The following HMGB2 variants were observed in gnomAD, a reference collection of about 807,000 sequenced individuals.
The protein encoded by HMGB2 is high mobility group protein B2.
Under a neutral mutation model 23.0 loss-of-function variants are expected in HMGB2, and 2 were observed. The ratio of observed to expected loss-of-function variants is 0.09; its 90% CI spans 0.04 to 0.27. The LOEUF (loss-of-function observed/expected upper bound fraction) is 0.27, where lower values mean the gene tolerates loss of function less well. Ranked by LOEUF, HMGB2 falls within the 10% of genes least tolerant of loss-of-function variation. HMGB2 has a pLI of 1.00. For missense variants in HMGB2, 178 were observed against 256.5 expected (o/e 0.69, Z 2.09); for synonymous variants, 99 against 87.5 (o/e 1.13, Z -0.73).
At chr4:173,332,266 T>G (rs774225291) in intron 4 of HMGB2, 28 bp from the exon 5 acceptor site, 4 of 1,517,692 alleles carry the variant, frequency 2.6e-6, no homozygotes, top group East Asian at 4.5e-5. Context: ...AAATAAAGCA[T>G]CCGGTATCAT....
rs772843489 is a variant in HMGB2 at position 173,333,540 on chromosome 4, T to C, written c.110A>G (p.Asn37Ser). Residue 37 changes from asparagine (N) to serine (S), a missense_variant, in exon 2 of 5, where the codon AAT becomes AGT. Asn to Ser is a conservative substitution (Grantham distance 46, BLOSUM62 1). This residue lies in a region of HMGB2 where 90 missense variants were observed against 114.4 expected (regional missense o/e 0.79). Coordinates refer to ENST00000296503, the MANE Select transcript of HMGB2 (RefSeq NM_002129.4). The surrounding 1 kb of genome is among the most constrained non-coding windows in gnomAD (Gnocchi z 4.6). Reference protein sequence around the residue: ...HKKKHPDSSVNFAEFSKKCSE... With the variant: ...HKKKHPDSSVSFAEFSKKCSE... ...ACACTTCTTGGAGAATTCCGCGAAA[T>C]TGACGGAAGAGTCCGGGTGTTTCTT... 1.1e-5 allele frequency: 17 copies of C among 1,614,012 alleles called. No individual in the cohort carries two copies. Among genetic ancestry groups the C allele is most frequent in the Admixed American group, 3.3e-5 (2 of 60,004 alleles).
intron 4 of HMGB2, 187 bp from the exon 5 acceptor site, chr4:173,332,425 G>C (rs1738125918): frequency 1.8e-6 from 1 of 560,766 alleles, no homozygotes; most frequent in Non-Finnish European, 3.1e-6. Context: ...AATGACAAGG[G>C]TTGCGATACA....
At position 173,333,305 on chromosome 4, in the gene HMGB2, T is replaced by G; in HGVS notation, c.151-91A>C. 1 of 1,451,798 alleles carries G rather than the reference T, an allele frequency of 6.9e-7. No homozygotes were observed. Among genetic ancestry groups the G allele is most frequent in the Non-Finnish European group, 9.3e-7 (1 of 1,070,248 alleles). 89.9% of individuals were successfully genotyped at this position (1,451,798 alleles called of 1,614,324 possible). On this transcript the variant is annotated intron_variant, in intron 2 of 4. Coordinates refer to ENST00000296503, the MANE Select transcript of HMGB2 (RefSeq NM_002129.4). This position sits in a 1 kb window ranked among gnomAD's most constrained non-coding sequence, Gnocchi z 4.6. Reference sequence around the variant, plus strand: ...AAGATCATCTTTAAGGACCACATTTTCCTTAACAGCATTTTGCTTTCGAAG... The same window carrying G: ...AAGATCATCTTTAAGGACCACATTTGCCTTAACAGCATTTTGCTTTCGAAG...
At position 173,333,290 on chromosome 4, in the gene HMGB2, T is replaced by C; in HGVS notation, c.151-76A>G. 6.6e-7 allele frequency: 1 copy of C among 1,504,196 alleles called. No individual in the cohort carries two copies. Among genetic ancestry groups the C allele is most frequent in the East Asian group, 2.3e-5 (1 of 44,226 alleles). 93.2% of individuals were successfully genotyped at this position (1,504,196 alleles called of 1,614,324 possible). On this transcript the variant is annotated intron_variant, in intron 2 of 4. Transcript: ENST00000296503. The surrounding 1 kb of genome is among the most constrained non-coding windows in gnomAD (Gnocchi z 4.6). ...ACATCCAAAGACGACAAGATCATCT[T>C]TAAGGACCACATTTTCCTTAACAGC...
rs775587090 is a variant in HMGB2 at position 173,333,494 on chromosome 4, C to T, written c.150+6G>A. The T allele has an allele frequency of 2.5e-6, 4 of 1,611,562 alleles. No homozygotes were observed. The highest frequency in any genetic ancestry group is 2.5e-6 in the Non-Finnish European group (3 of 1,178,528). On this transcript the variant is annotated splice_donor_region_variant and intron_variant, in intron 2 of 4. Transcript: ENST00000296503. The surrounding 1 kb of genome is among the most constrained non-coding windows in gnomAD (Gnocchi z 4.6). The stretch of plus-strand genomic sequence containing the variant: ...CCCCCTGAGCTCCGTCCCTCTCCTG[C>T]CTCACCTTCCATCTCTCCGAACACT...
chr4:173,333,385 G>T lies in HMGB2; in HGVS notation c.150+115C>A. On this transcript the variant is annotated intron_variant, in intron 2 of 4. Transcript: ENST00000296503. This position sits in a 1 kb window ranked among gnomAD's most constrained non-coding sequence, Gnocchi z 4.6. ...TGCCTGGAACTCTTAAGATATTCAG[G>T]TGAGTCACTGGGGTGGCAAAGTTGA... The T allele has an allele frequency of 7.1e-7, 1 of 1,406,224 alleles. No individual in the cohort carries two copies. The highest frequency in any genetic ancestry group is 9.7e-7 in the Non-Finnish European group (1 of 1,032,550). The allele number at this position is 1,406,224 out of a possible 1,614,324, so 87.1% of individuals were successfully genotyped here. A position where few individuals can be genotyped will look rare whatever the true frequency, so the allele number is the denominator to read the frequency against.
rs749316855 is a variant in HMGB2, at chr4:173,333,177, A to T, written c.188T>A (p.Met63Lys). Residue 63 changes from methionine to lysine, a missense_variant, in exon 3 of 5, where the codon ATG (methionine) becomes AAG (lysine). Physicochemically the swap from Met to Lys is moderately conservative, Grantham distance 95. Around this residue, in one of 3 missense-constraint regions of HMGB2, gnomAD observed 90 missense variants for 114.4 expected, o/e 0.79. Coordinates refer to ENST00000296503, the MANE Select transcript of HMGB2 (RefSeq NM_002129.4). The surrounding 1 kb of genome is among the most constrained non-coding windows in gnomAD (Gnocchi z 4.6). ...ATAGCGAGCTTTGTCACTTTTTGCC[A>T]TATCTTCAAACTTCGACTTCTCCTT... ...SAKEKSKFED[M>K]AKSDKARYDR... The T allele has an allele frequency of 6.2e-7, 1 of 1,613,966 alleles. No homozygotes were observed.
Position 173,333,442 on chromosome 4 carries a change from C to A in HMGB2, c.150+58G>T. ...TGAGTTGCCTACTACCTGCCTAAGG[C>A]CCTCCTAGCCGAAAACCACACCTGC... On this transcript the variant is annotated intron_variant, in intron 2 of 4. Coordinates refer to ENST00000296503, the MANE Select transcript of HMGB2 (RefSeq NM_002129.4). The surrounding 1 kb of genome is among the most constrained non-coding windows in gnomAD (Gnocchi z 4.6). 6.4e-7 allele frequency: 1 copy of A among 1,571,024 alleles called. No individual in the cohort carries two copies.
Position 173,333,813 on chromosome 4 carries a change from C to T in HMGB2, c.-20-144G>A, listed in dbSNP as rs1738173796. ...CCCCCCTCCTCCCGAGGGCGTCCTC[C>T]CAAGGGCGGCCGCCCGCGCCCCCGC... is the stretch of plus-strand genomic sequence containing the variant. On this transcript the variant is annotated intron_variant, in intron 1 of 4. Coordinates refer to ENST00000296503, the MANE Select transcript of HMGB2 (RefSeq NM_002129.4). The surrounding 1 kb of genome is among the most constrained non-coding windows in gnomAD (Gnocchi z 4.6). 1 of 451,206 alleles carries T rather than the reference C, an allele frequency of 2.2e-6. No homozygotes were observed. The highest frequency in any genetic ancestry group is 9.2e-5 in the South Asian group (1 of 10,892). 28.0% of individuals were successfully genotyped at this position (451,206 alleles called of 1,614,324 possible). A position where few individuals can be genotyped will look rare whatever the true frequency, so the allele number is the denominator to read the frequency against.
Position 173,332,031 on chromosome 4 carries a change from T to A in HMGB2, c.*49A>T, listed in dbSNP as rs1243446302. On this transcript the variant is annotated 3_prime_UTR_variant, in exon 5 of 5. Transcript: ENST00000296503. ...GAATTCACATTCTTAGCAAAATAAT[T>A]GCCTGAGCACACACACACATTCCAC... is the stretch of plus-strand genomic sequence containing the variant. The A allele has an allele frequency of 5.6e-6, 9 of 1,606,270 alleles. No homozygotes were observed. The African/African-American group carries it at 1.2e-4, about 22-fold the overall frequency.
In HMGB2 at chr4:173,333,670, C is replaced by T; in HGVS notation, c.-20-1G>A. ...CCCATGTTGACAGATCCGCGTCCACCTGACGGGGCCGAGGGGGGAGAGGGG... is the reference window on the plus strand; with the variant it reads ...CCCATGTTGACAGATCCGCGTCCACTTGACGGGGCCGAGGGGGGAGAGGGG... On this transcript the variant is annotated splice_acceptor_variant, in intron 1 of 4. Transcript: ENST00000296503. LOFTEE classifies it low-confidence loss of function (5UTR_SPLICE). The surrounding 1 kb of genome is among the most constrained non-coding windows in gnomAD (Gnocchi z 4.6). 1 of 1,590,226 alleles carries T rather than the reference C, an allele frequency of 6.3e-7. No individual in the cohort carries two copies. Among genetic ancestry groups the T allele is most frequent in the Non-Finnish European group, 8.6e-7 (1 of 1,166,058 alleles).
At position 173,331,937 on chromosome 4, in the gene HMGB2, C is replaced by T; in HGVS notation, c.*143G>A. Reference sequence around the variant, plus strand: ...GCATTTTTTAAAAGTATTTTCTCTACAGAGAATCTTATCAGCTATACAAAA... The same window carrying T: ...GCATTTTTTAAAAGTATTTTCTCTATAGAGAATCTTATCAGCTATACAAAA... On this transcript the variant is annotated 3_prime_UTR_variant, in exon 5 of 5. Transcript: ENST00000296503. 3 of 1,207,428 alleles carry T rather than the reference C, an allele frequency of 2.5e-6. No homozygotes were observed. In the South Asian group the frequency reaches 4.7e-5, roughly 19 times the overall value. The allele number at this position is 1,207,428 out of a possible 1,614,324, so 74.8% of individuals were successfully genotyped here.
Position 173,331,938 on chromosome 4 carries a change from A to T in HMGB2, c.*142T>A. The T allele has an allele frequency of 8.2e-7, 1 of 1,218,194 alleles. No individual in the cohort carries two copies. Among genetic ancestry groups the T allele is most frequent in the Non-Finnish European group, 1.1e-6 (1 of 882,802 alleles). 75.5% of individuals were successfully genotyped at this position (1,218,194 alleles called of 1,614,324 possible). A position where few individuals can be genotyped will look rare whatever the true frequency, so the allele number is the denominator to read the frequency against. ...CATTTTTTAAAAGTATTTTCTCTAC[A>T]GAGAATCTTATCAGCTATACAAAAA... On this transcript the variant is annotated 3_prime_UTR_variant, in exon 5 of 5. Transcript: ENST00000296503.
rs772952277 is a variant in HMGB2 at position 173,332,149 on chromosome 4, T to C, written c.561A>G (p.Pro187=). The C allele has an allele frequency of 8.7e-6, 14 of 1,613,426 alleles. No homozygotes were observed. In the East Asian group the frequency reaches 2.2e-4, roughly 26 times the overall value. Reference sequence around the variant, plus strand: ...CTTCCTCCTCCTCCTCCTCATCTTCTGGTTCGTTCTTCTTCTTTGAGCCTG... The same window carrying C: ...CTTCCTCCTCCTCCTCCTCATCTTCCGGTTCGTTCTTCTTCTTTGAGCCTG... ...RPTGSKKKNE[P]EDEEEEEEEE... The change falls in exon 5 of 5, where the codon CCA becomes CCG. Residue 187 remains proline, a synonymous_variant. Coordinates refer to ENST00000296503, the MANE Select transcript of HMGB2 (RefSeq NM_002129.4).
At position 173,333,692 on chromosome 4, in the gene HMGB2, GGGGA is replaced by G; in HGVS notation, c.-20-27_-20-24del. The G allele has an allele frequency of 1.9e-6, 3 of 1,546,630 alleles. No homozygotes were observed. Among genetic ancestry groups the G allele is most frequent in the Non-Finnish European group, 2.6e-6 (3 of 1,141,418 alleles). On this transcript the variant is annotated intron_variant, in intron 1 of 4. Transcript: ENST00000296503. The surrounding 1 kb of genome is among the most constrained non-coding windows in gnomAD (Gnocchi z 4.6). ...CACCTGACGGGGCCGAGGGGGGAGAGGGGAAGCCGGAGGGTCGGCGCGGAGCCCG... is the reference window on the plus strand; with the variant it reads ...CACCTGACGGGGCCGAGGGGGGAGAGAGCCGGAGGGTCGGCGCGGAGCCCG...
Position 173,333,444 on chromosome 4 carries a change from C to T in HMGB2, c.150+56G>A. 1 of 1,575,826 alleles carries T rather than the reference C, an allele frequency of 6.3e-7. No homozygotes were observed. The highest frequency in any genetic ancestry group is 2.2e-5 in the East Asian group (1 of 44,584). On this transcript the variant is annotated intron_variant, in intron 2 of 4. Coordinates refer to ENST00000296503, the MANE Select transcript of HMGB2 (RefSeq NM_002129.4). The surrounding 1 kb of genome is among the most constrained non-coding windows in gnomAD (Gnocchi z 4.6). ...AGTTGCCTACTACCTGCCTAAGGCCCTCCTAGCCGAAAACCACACCTGCAC... is the reference window on the plus strand; with the variant it reads ...AGTTGCCTACTACCTGCCTAAGGCCTTCCTAGCCGAAAACCACACCTGCAC...
chr4:173,331,381 T>TATAC lies in HMGB2; in HGVS notation c.*698_*699insGTAT, dbSNP rs945407125. ...ATATATGTGTATATATATACATATA[T>TATAC]ATATATATATATATGTATATATATA... On this transcript the variant is annotated 3_prime_UTR_variant, in exon 5 of 5. Coordinates refer to ENST00000296503, the MANE Select transcript of HMGB2 (RefSeq NM_002129.4). Among the ~76,000 whole-genome samples, 1 of 137,800 alleles carries TATAC rather than the reference T, an allele frequency of 7.3e-6. No homozygotes were observed. Among genetic ancestry groups the TATAC allele is most frequent in the East Asian group, 2.0e-4 (1 of 5,038 alleles). The allele number at this position is 137,800 out of a possible 152,430, so 90.4% of individuals were successfully genotyped here.
intron 4 of HMGB2, 38 bp from the exon 5 acceptor site, chr4:173,332,276 T>C (rs750673580): frequency 2.0e-5 from 29 of 1,472,966 alleles, no homozygotes; most frequent in Non-Finnish European, 2.6e-5. Context: ...TCCGGTATCA[T>C]TACTCAACTG....
At position 173,331,925 on chromosome 4, in the gene HMGB2, G is replaced by T. The variant is rs1738107560; in HGVS notation, c.*155C>A. The T allele has an allele frequency of 9.0e-7, 1 of 1,110,042 alleles. No individual in the cohort carries two copies. The highest frequency in any genetic ancestry group is 1.3e-6 in the Non-Finnish European group (1 of 792,638). The allele number at this position is 1,110,042 out of a possible 1,614,324, so 68.8% of individuals were successfully genotyped here. On this transcript the variant is annotated 3_prime_UTR_variant, in exon 5 of 5. Transcript: ENST00000296503. ...AAGCTACAACCTGCATTTTTTAAAA[G>T]TATTTTCTCTACAGAGAATCTTATC... is the stretch of plus-strand genomic sequence containing the variant.
Sources: allele counts gnomAD v4.1 joint callset (sites outside exome capture counted in the v4.1 genomes callset), GRCh38; gene constraint gnomAD v4.1.1; regional missense constraint gnomAD v4.1.1; non-coding constraint Gnocchi (gnomAD v3.1); transcripts MANE v1.5; gene names NCBI Gene and HGNC (gene_info 2026-07-23, HGNC 2026-07-21).